GPAM: variants seen among roughly 807,000 people sequenced by gnomAD.
GPAM encodes the protein glycerol-3-phosphate acyltransferase, mitochondrial, also known as glycerol-3-phosphate acyltransferase 1, mitochondrial.
In GPAM, 56 loss-of-function variants were observed where a neutral mutation model predicts 105.0. The observed-to-expected ratio is 0.53, with a 90% CI of 0.43 to 0.67. The LOEUF (loss-of-function observed/expected upper bound fraction) is 0.67. Ranked by LOEUF, GPAM falls within the 30% of genes least tolerant of loss-of-function variation. The pLI is 0.00. For synonymous variants in GPAM, 368 were observed against 354.4 expected, an observed-to-expected ratio of 1.04 and a Z score of -0.43; for missense variants, 855 against 989.8, an observed-to-expected ratio of 0.86 and a Z score of 1.83.
Position 112,152,248 on chromosome 10 carries a change from T to C in GPAM, c.*1302A>G, listed in dbSNP as rs892036082. On this transcript the variant is annotated 3_prime_UTR_variant, in exon 22 of 22. Transcript: ENST00000348367. ...AAACTGTTAGAAAACGTTTTAACAT[T>C]ACATGATATTTAAAAAATCACCATA... 3.0e-5 allele frequency: 29 copies of C among 976,912 alleles called. No homozygotes were observed. In the African/African-American group the frequency reaches 4.2e-4, roughly 14 times the overall value. 60.5% of individuals were successfully genotyped at this position (976,912 alleles called of 1,614,324 possible).
rs145293433 is a variant in GPAM at position 112,175,789 on chromosome 10, G to A, written c.300-76C>T. The A allele has an allele frequency of 1.1e-4, 103 of 914,924 alleles. No individual in the cohort carries two copies. In the East Asian group the frequency reaches 2.2e-3, roughly 20 times the overall value. 56.7% of individuals were successfully genotyped at this position (914,924 alleles called of 1,614,324 possible). On this transcript the variant is annotated intron_variant, in intron 5 of 21. Transcript: ENST00000348367. ...TGCTTAAATCATAAACTAATTTTCC[G>A]CCCATAAAAACAAAGCCTAATGTCA... is the stretch of plus-strand genomic sequence containing the variant.
chr10:112,169,527 G>A (rs7920165), intron 9 of GPAM, among the ~76,000 whole-genome samples: 1,871 of 152,220 alleles, frequency 0.012, 30 homozygotes, highest in African/African-American at 0.042. Context: ...GGCATAAAAC[G>A]ATTCTTTTCC....
chr10:112,169,663 A>G (rs1663499254), intron 9 of GPAM, among the ~76,000 whole-genome samples: 1 of 152,136 alleles, frequency 6.6e-6, no homozygotes, highest in Non-Finnish European at 1.5e-5. Flanking sequence ...ACATTAATAT[A>G]TATTTTTGGT....
At chr10:112,219,478 C>A (rs557864906), upstream of GPAM, among the ~76,000 whole-genome samples, 1 of 152,218 alleles carries the variant, frequency 6.6e-6, no homozygotes, top group African/African-American at 2.4e-5. Context: ...ATCCTGCCAA[C>A]TTCATTTGAT....
intron 21 of GPAM, 115 bp downstream of exon 21, chr10:112,154,514 C>T: frequency 1.3e-6 from 1 of 785,382 alleles, no homozygotes; most frequent in Middle Eastern, 2.3e-4. Flanking sequence ...ATCATTAAGC[C>T]AGCAGAAACT....
intron 9 of GPAM, among the ~76,000 whole-genome samples, chr10:112,171,840 C>A (rs1847318121): frequency 6.6e-6 from 1 of 152,168 alleles, no homozygotes; most frequent in East Asian, 1.9e-4. Context: ...CACTTCACTG[C>A]CCCCTCCTCC....
upstream of GPAM, among the ~76,000 whole-genome samples, chr10:112,187,197 T>C (rs1284025214): frequency 6.6e-6 from 1 of 152,006 alleles, no homozygotes; most frequent in Non-Finnish European, 1.5e-5. Flanking sequence ...AAAGAATAGA[T>C]AGAATAAAGA....
intron 4 of GPAM, among the ~76,000 whole-genome samples, chr10:112,179,379 G>A (rs910059979): frequency 6.0e-4 from 91 of 152,262 alleles, no homozygotes; most frequent in Non-Finnish European, 7.1e-4. Context: ...GATCTAAAAA[G>A]AAAATGACAT....
At chr10:112,184,513 A>G (rs2419604), upstream of GPAM, among the ~76,000 whole-genome samples, 104,145 of 152,084 alleles carry the variant, frequency 0.68, 35,814 homozygotes, top group South Asian at 0.83. Flanking sequence ...ATAGTTTAAA[A>G]TTTATAGCAA....
chr10:112,187,076 A>G (rs549747693), upstream of GPAM, among the ~76,000 whole-genome samples: 12 of 152,346 alleles, frequency 7.9e-5, no homozygotes, highest in East Asian at 7.7e-4. Context: ...AGCAACTACT[A>G]TGAAAGCAAA....
intron 4 of GPAM, among the ~76,000 whole-genome samples, chr10:112,179,115 T>C (rs1847460472): frequency 1.3e-5 from 2 of 152,188 alleles, no homozygotes; most frequent in Non-Finnish European, 2.9e-5. Context: ...AGATAGCAAA[T>C]ATTATACAGT....
At chr10:112,170,506 T>C (rs192854747) in intron 9 of GPAM, among the ~76,000 whole-genome samples, 24 of 152,298 alleles carry the variant, frequency 1.6e-4, no homozygotes, top group Admixed American at 5.2e-4. Flanking sequence ...GAAATCCTAA[T>C]TGAGAACCAA....
intron 1 of GPAM, among the ~76,000 whole-genome samples, chr10:112,191,674 A>C (rs1361614954): frequency 6.6e-6 from 1 of 152,216 alleles, no homozygotes; most frequent in Non-Finnish European, 1.5e-5. Context: ...CAAAAAAATG[A>C]GAAGCTGCTC....
At chr10:112,200,177 T>TAC (rs1208784053) in intron 1 of GPAM, among the ~76,000 whole-genome samples, 1 of 73,864 alleles carries the variant, frequency 1.4e-5, no homozygotes, top group East Asian at 3.5e-4. Flanking sequence ...AATATATATA[T>TAC]ATATATATAT....
intron 12 of GPAM, among the ~76,000 whole-genome samples, chr10:112,165,609 G>A (rs1198512879): frequency 6.6e-6 from 1 of 152,098 alleles, no homozygotes; most frequent in African/African-American, 2.4e-5. Context: ...AGAATTGCTT[G>A]AACCTAGGGG....
At chr10:112,223,713 C>T in the GPAM span, among the ~76,000 whole-genome samples, 1 of 152,134 alleles carries the variant, frequency 6.6e-6, no homozygotes, top group East Asian at 1.9e-4. Context: ...CTGAAAAGAA[C>T]AAAATAGCAA....
intron 11 of GPAM, 37 bp downstream of exon 11, chr10:112,168,275 T>C: frequency 8.5e-7 from 1 of 1,180,706 alleles, no homozygotes; most frequent in African/African-American, 1.5e-5. Context: ...CTAAAAGACT[T>C]GATAAGCAAA....
At chr10:112,190,221 G>GTA (rs571051026) in intron 1 of GPAM, among the ~76,000 whole-genome samples, 2 of 152,258 alleles carry the variant, frequency 1.3e-5, no homozygotes, top group African/African-American at 4.8e-5. Flanking sequence ...CCCTACCAGT[G>GTA]TATCGCATGC....
chr10:112,158,252 G>C, intron 18 of GPAM, 64 bp downstream of exon 18: 1 of 1,013,980 alleles, frequency 9.9e-7, no homozygotes, highest in Non-Finnish European at 1.6e-6. Flanking sequence ...TAAATAAGTT[G>C]TAGAAAAGGT....
Sources: gnomAD v4.1 joint callset for allele counts (sites outside exome capture counted in the v4.1 genomes callset) on GRCh38, gnomAD v4.1.1 for gene constraint, MANE v1.5 for transcripts, NCBI Gene and HGNC (gene_info 2026-07-23, HGNC 2026-07-21) for gene names.